PPARGC1A: variants seen among roughly 807,000 people sequenced by gnomAD.
PPARGC1A encodes the protein PPARG coactivator 1 alpha.
PPARGC1A carries 25 observed loss-of-function variants against 88.7 expected under a neutral mutation model. The observed-to-expected ratio is 0.28, with a 90% CI of 0.21 to 0.39. The LOEUF (loss-of-function observed/expected upper bound fraction) is 0.39. PPARGC1A is among the 10% of genes least tolerant of loss of function. The pLI is 1.00. For missense variants in PPARGC1A, 880 were observed against 968.7 expected, an observed-to-expected ratio of 0.91 and a Z score of 1.22; for synonymous variants, 363 against 355.6, an observed-to-expected ratio of 1.02 and a Z score of -0.24.
intron 1 of PPARGC1A, among the ~76,000 whole-genome samples, chr4:23,887,120 G>A (rs1717047003): frequency 6.6e-6 from 1 of 152,074 alleles, no homozygotes; most frequent in South Asian, 2.1e-4. Context: ...GAAAACCATT[G>A]AAAAGACCAG....
At chr4:24,458,628 A>C in the PPARGC1A span, among the ~76,000 whole-genome samples, 1 of 152,240 alleles carries the variant, frequency 6.6e-6, no homozygotes, top group Non-Finnish European at 1.5e-5. Flanking sequence ...AGGCAATTAC[A>C]TTTGTACGGC....
chr4:24,182,977 G>A, the PPARGC1A span, among the ~76,000 whole-genome samples: 5 of 152,078 alleles, frequency 3.3e-5, no homozygotes, highest in African/African-American at 2.4e-5. Flanking sequence ...TCCCAGTGTC[G>A]GGGGAAGATA....
the PPARGC1A span, among the ~76,000 whole-genome samples, chr4:24,269,585 C>T: frequency 0.013 from 2,034 of 152,216 alleles, 51 homozygotes; most frequent in African/African-American, 0.046. Context: ...ACATAGACTA[C>T]GCGAGTATAA....
At chr4:24,164,309 C>G in the PPARGC1A span, among the ~76,000 whole-genome samples, 26 of 123,112 alleles carry the variant, frequency 2.1e-4, no homozygotes, top group African/African-American at 8.1e-4. Flanking sequence ...AGCAGGGGAG[C>G]CTTTTCCTGG....
At chr4:24,276,169 C>T in the PPARGC1A span, among the ~76,000 whole-genome samples, 3 of 152,186 alleles carry the variant, frequency 2.0e-5, no homozygotes, top group Non-Finnish European at 2.9e-5. Flanking sequence ...AGGGCAGCAG[C>T]CACCTTCAAT....
At chr4:24,038,674 G>C in the PPARGC1A span, among the ~76,000 whole-genome samples, 1 of 152,118 alleles carries the variant, frequency 6.6e-6, no homozygotes, top group East Asian at 1.9e-4. Context: ...TATCTGGGTT[G>C]CTGGCTTGGA....
the PPARGC1A span, among the ~76,000 whole-genome samples, chr4:24,385,501 C>A: frequency 6.6e-6 from 1 of 151,860 alleles, no homozygotes; most frequent in Non-Finnish European, 1.5e-5. Flanking sequence ...ACTAGCCAGA[C>A]TAATAAAGAA....
chr4:23,990,321 G>A, the PPARGC1A span, among the ~76,000 whole-genome samples: 2 of 151,108 alleles, frequency 1.3e-5, no homozygotes, highest in African/African-American at 4.9e-5. Flanking sequence ...AGTAAATTTT[G>A]TCATGCAAAT....
At chr4:24,334,737 C>G in the PPARGC1A span, among the ~76,000 whole-genome samples, 11 of 152,150 alleles carry the variant, frequency 7.2e-5, no homozygotes, top group Non-Finnish European at 2.9e-5. Flanking sequence ...CTGTTTCAAA[C>G]ACATTGAACA....
At chr4:23,965,291 T>G in the PPARGC1A span, among the ~76,000 whole-genome samples, 1 of 152,210 alleles carries the variant, frequency 6.6e-6, no homozygotes, top group African/African-American at 2.4e-5. Flanking sequence ...TCAGTTCAAT[T>G]TATTGCTAGA....
chr4:24,429,482 C>A, the PPARGC1A span, among the ~76,000 whole-genome samples: 2 of 151,982 alleles, frequency 1.3e-5, no homozygotes, highest in Non-Finnish European at 2.9e-5. Flanking sequence ...AAGCTTGACA[C>A]CCACAGGGGA....
the PPARGC1A span, among the ~76,000 whole-genome samples, chr4:24,106,095 C>T: frequency 3.8e-3 from 582 of 152,288 alleles, 8 homozygotes; most frequent in East Asian, 0.018. Context: ...CACTTCCATT[C>T]GTTTCCCCGC....
chr4:24,362,163 T>G, the PPARGC1A span, among the ~76,000 whole-genome samples: 1 of 152,218 alleles, frequency 6.6e-6, no homozygotes, highest in Admixed American at 6.5e-5. Flanking sequence ...TCATTCCCAG[T>G]GCCTGCCCTT....
At chr4:24,186,178 G>A in the PPARGC1A span, among the ~76,000 whole-genome samples, 1 of 152,072 alleles carries the variant, frequency 6.6e-6, no homozygotes, top group African/African-American at 2.4e-5. Flanking sequence ...GGCAAAAGAA[G>A]AGGGCAGGAG....
the PPARGC1A span, among the ~76,000 whole-genome samples, chr4:23,960,902 C>T: frequency 6.6e-6 from 1 of 152,076 alleles, no homozygotes; most frequent in South Asian, 2.1e-4. Flanking sequence ...ACCATGGTAG[C>T]TAGAGTAATC....
At chr4:24,221,211 T>G in the PPARGC1A span, among the ~76,000 whole-genome samples, 1 of 152,210 alleles carries the variant, frequency 6.6e-6, no homozygotes, top group Non-Finnish European at 1.5e-5. Flanking sequence ...GTTCTGAGTT[T>G]GGACATTCCT....
the PPARGC1A span, among the ~76,000 whole-genome samples, chr4:24,470,324 A>ACACACACACACACACACACACACT: frequency 9.3e-6 from 1 of 107,780 alleles, no homozygotes; most frequent in African/African-American, 3.4e-5. This position sits in a 1 kb window ranked among gnomAD's most constrained non-coding sequence, Gnocchi z 5.8. Flanking sequence ...ACACACACAC[A>ACACACACACACACACACACACACT]CTCTCTCACA....
chr4:24,339,392 T>G, the PPARGC1A span, among the ~76,000 whole-genome samples: 26 of 151,928 alleles, frequency 1.7e-4, no homozygotes, highest in African/African-American at 6.0e-4. Context: ...TATTTCCCAT[T>G]TCAGAGACCT....
the PPARGC1A span, among the ~76,000 whole-genome samples, chr4:24,094,643 A>G: frequency 1.4e-4 from 21 of 152,260 alleles, no homozygotes; most frequent in African/African-American, 4.8e-4. Context: ...TAATGAAAGC[A>G]AAGTGAAGCA....
Sources: gnomAD v4.1 joint callset for allele counts (sites outside exome capture counted in the v4.1 genomes callset) on GRCh38, gnomAD v4.1.1 for gene constraint, Gnocchi (gnomAD v3.1) non-coding constraint, MANE v1.5 for transcripts, NCBI Gene and HGNC (gene_info 2026-07-23, HGNC 2026-07-21) for gene names.